The following PLS1 variants were observed in gnomAD, a reference collection of about 807,000 sequenced individuals.
The protein encoded by PLS1 is plastin 1, also known as plastin-1.
PLS1 carries 32 observed loss-of-function variants against 73.7 expected under a neutral mutation model. The observed-to-expected ratio is 0.43, with a 90% CI of 0.33 to 0.58. The LOEUF is 0.58. Ranked by LOEUF, PLS1 falls within the 20% of genes least tolerant of loss-of-function variation. The probability of loss-of-function intolerance (pLI) is 0.04; values close to 1 mark genes in which losing one functional copy is unlikely to be tolerated. For synonymous variants in PLS1, 217 were observed against 261.3 expected (o/e 0.83, Z 1.63); for missense variants, 633 against 740.5 (o/e 0.85, Z 1.68).
At position 142,713,223 on chromosome 3, in the gene PLS1, C is replaced by G. The variant is rs148359397; in HGVS notation, c.*1216C>G. ...AGCATTAGTCCATTTCTGCTGCTAA[C>G]AATTGAATCCAGAAATCTACTTTCT... On this transcript the variant is annotated 3_prime_UTR_variant, in exon 16 of 16. Transcript: ENST00000457734. The G allele has an allele frequency of 6.3e-4, 96 of 152,680 alleles. No individual in the cohort carries two copies. In the East Asian group the frequency reaches 0.017, roughly 27 times the overall value. 9.5% of individuals were successfully genotyped at this position (152,680 alleles called of 1,614,324 possible). A position where few individuals can be genotyped will look rare whatever the true frequency, so the allele number is the denominator to read the frequency against.
chr3:142,634,924 T>TC (rs1201792448), intron 1 of PLS1, among the ~76,000 whole-genome samples: 1 of 151,962 alleles, frequency 6.6e-6, no homozygotes, highest in African/African-American at 2.4e-5. Context: ...ACTTTTTTTT[T>TC]TTTTTTGTCT....
intron 1 of PLS1, among the ~76,000 whole-genome samples, chr3:142,624,726 A>T (rs2036384741): frequency 6.6e-6 from 1 of 152,242 alleles, no homozygotes; most frequent in Non-Finnish European, 1.5e-5. Context: ...CGCACCATAG[A>T]ATACTCTTGT....
chr3:142,635,469 G>A (rs1471116974), intron 1 of PLS1, among the ~76,000 whole-genome samples: 6 of 151,470 alleles, frequency 4.0e-5, no homozygotes, highest in African/African-American at 1.2e-4. Flanking sequence ...TGGGCATGGT[G>A]ACGCGAGTCT....
At chr3:142,697,457 T>C (rs2038235401) in intron 11 of PLS1, among the ~76,000 whole-genome samples, 1 of 152,202 alleles carries the variant, frequency 6.6e-6, no homozygotes, top group Non-Finnish European at 1.5e-5. Context: ...ACCTCTTTCT[T>C]TACCTAATAG....
intron 1 of PLS1, among the ~76,000 whole-genome samples, chr3:142,625,405 A>T (rs1410446498): frequency 6.6e-6 from 1 of 150,410 alleles, no homozygotes; most frequent in Non-Finnish European, 1.5e-5. Flanking sequence ...AATGTTTCCA[A>T]CTCAGTTCTC....
intron 1 of PLS1, among the ~76,000 whole-genome samples, chr3:142,652,217 A>G (rs2037110617): frequency 6.6e-6 from 1 of 152,162 alleles, no homozygotes; most frequent in South Asian, 2.1e-4. Flanking sequence ...TAATTTCCTC[A>G]GCTTACAGGT....
At chr3:142,610,863 C>T (rs1054415944) in intron 1 of PLS1, among the ~76,000 whole-genome samples, 2 of 152,180 alleles carry the variant, frequency 1.3e-5, no homozygotes, top group African/African-American at 2.4e-5. Flanking sequence ...AAAAGCTGAA[C>T]ACAATTTTGG....
intron 14 of PLS1, among the ~76,000 whole-genome samples, chr3:142,710,626 G>A (rs2107978713): frequency 6.6e-6 from 1 of 152,302 alleles, no homozygotes; most frequent in East Asian, 1.9e-4. Context: ...TGATGTCTGT[G>A]TGAAGGAGGT....
chr3:142,672,369 G>T (rs981806126), intron 4 of PLS1, among the ~76,000 whole-genome samples: 1 of 139,362 alleles, frequency 7.2e-6, no homozygotes, highest in African/African-American at 2.8e-5. Flanking sequence ...TTGAGATGGC[G>T]TCTCGCTCTG....
At chr3:142,637,814 T>G (rs149966261) in intron 1 of PLS1, among the ~76,000 whole-genome samples, 3,290 of 152,186 alleles carry the variant, frequency 0.022, 60 homozygotes, top group Middle Eastern at 0.038. Context: ...TCATCCTGAT[T>G]AATACTTTTT....
chr3:142,704,857 A>ACCATGTTAG (rs914794768), intron 14 of PLS1, among the ~76,000 whole-genome samples: 1 of 146,232 alleles, frequency 6.8e-6, no homozygotes, highest in African/African-American at 2.5e-5. Flanking sequence ...ATGGGGTTTC[A>ACCATGTTAG]CCATGTTAGC....
chr3:142,630,495 G>C (rs1055514334), intron 1 of PLS1, among the ~76,000 whole-genome samples: 1 of 151,344 alleles, frequency 6.6e-6, no homozygotes, highest in Non-Finnish European at 1.5e-5. Flanking sequence ...GCTCATGCCT[G>C]TAATCCCAGC....
At chr3:142,608,418 T>C (rs1325806060) in intron 1 of PLS1, among the ~76,000 whole-genome samples, 1 of 152,226 alleles carries the variant, frequency 6.6e-6, no homozygotes, top group Non-Finnish European at 1.5e-5. Flanking sequence ...TAGAATTCCA[T>C]AGTACTATGG....
intron 1 of PLS1, among the ~76,000 whole-genome samples, chr3:142,624,937 G>A (rs1034022995): frequency 9.2e-5 from 13 of 141,794 alleles, no homozygotes; most frequent in Admixed American, 6.1e-4. Context: ...GTATTCTTGT[G>A]GAGGAGGAGG....
intron 5 of PLS1, 38 bp from the exon 6 acceptor site, chr3:142,677,994 T>G (rs1333015344): frequency 1.0e-6 from 1 of 979,094 alleles, no homozygotes; most frequent in Non-Finnish European, 1.5e-6. Flanking sequence ...AAAAATTTCT[T>G]GGAGTATTAA....
At chr3:142,651,742 C>T (rs1430030213) in intron 1 of PLS1, among the ~76,000 whole-genome samples, 3 of 152,352 alleles carry the variant, frequency 2.0e-5, no homozygotes, top group East Asian at 1.9e-4. Flanking sequence ...AAGGACTCAT[C>T]TGGCACACAC....
At chr3:142,656,934 A>G (rs2037251338) in intron 1 of PLS1, 3 of 152,316 alleles carry the variant, frequency 2.0e-5, no homozygotes, top group Admixed American at 6.5e-5. Flanking sequence ...TTTTTCCATA[A>G]AAGTCAGATA....
chr3:142,702,046 A>G (rs1052869151), intron 12 of PLS1, among the ~76,000 whole-genome samples: 6 of 152,338 alleles, frequency 3.9e-5, no homozygotes, highest in Admixed American at 6.5e-5. Context: ...GCATTAAAAA[A>G]TTCTTTTAAA....
chr3:142,609,860 G>A (rs78143018), intron 1 of PLS1, among the ~76,000 whole-genome samples: 4,475 of 152,240 alleles, frequency 0.029, 107 homozygotes, highest in Non-Finnish European at 0.042. Flanking sequence ...GATGATCAAA[G>A]CTTGTATGTA....
Sources: allele counts gnomAD v4.1 joint callset (sites outside exome capture counted in the v4.1 genomes callset), GRCh38; gene constraint gnomAD v4.1.1; transcripts MANE v1.5; gene names NCBI Gene and HGNC (gene_info 2026-07-23, HGNC 2026-07-21).